The following FAM169A variants were observed in gnomAD, a reference collection of about 807,000 sequenced individuals.
The protein encoded by FAM169A is family with sequence similarity 169 member A.
Under a neutral mutation model 75.7 loss-of-function variants are expected in FAM169A, and 24 were observed. The ratio of observed to expected loss-of-function variants is 0.32; its 90% CI spans 0.23 to 0.45. FAM169A has a LOEUF of 0.45. Ranked by LOEUF, FAM169A falls within the 20% of genes least tolerant of loss-of-function variation. The pLI is 1.00. For missense variants in FAM169A, 673 were observed against 784.0 expected (o/e 0.86, Z 1.69); for synonymous variants, 271 against 271.0 (o/e 1.00, Z 0.00).
At chr5:74,800,058 G>T in intron 10 of FAM169A, 1 of 716,320 alleles carries the variant, frequency 1.4e-6, no homozygotes. Context: ...ATGACAATTT[G>T]GGATTTCAAG....
chr5:74,845,102 T>C (rs1209918174), intron 1 of FAM169A, among the ~76,000 whole-genome samples: 1 of 152,140 alleles, frequency 6.6e-6, no homozygotes, highest in Non-Finnish European at 1.5e-5. Flanking sequence ...AAAAAAGAGA[T>C]AGGATTGACA....
At chr5:74,783,478 C>A (rs1366487363) in intron 11 of FAM169A, among the ~76,000 whole-genome samples, 1 of 152,152 alleles carries the variant, frequency 6.6e-6, no homozygotes, top group Non-Finnish European at 1.5e-5. Flanking sequence ...AGGGAAAGAA[C>A]TTTTTCAGGA....
intron 1 of FAM169A, among the ~76,000 whole-genome samples, chr5:74,846,600 G>A (rs1043084690): frequency 6.6e-6 from 1 of 152,126 alleles, no homozygotes; most frequent in Admixed American, 6.5e-5. Context: ...TAAGCAATAG[G>A]TCATCTAAAT....
chr5:74,786,769 T>A (rs952510343), intron 11 of FAM169A, among the ~76,000 whole-genome samples: 1 of 152,146 alleles, frequency 6.6e-6, no homozygotes, highest in Non-Finnish European at 1.5e-5. Flanking sequence ...AGACACAACC[T>A]CTTATCATGT....
chr5:74,801,942 T>G (rs1030515342), intron 8 of FAM169A, among the ~76,000 whole-genome samples: 5 of 152,196 alleles, frequency 3.3e-5, no homozygotes, highest in Non-Finnish European at 5.9e-5. Flanking sequence ...ATTGATGAAT[T>G]CAAATATGAG....
intron 11 of FAM169A, among the ~76,000 whole-genome samples, chr5:74,791,802 G>C (rs375209752): frequency 6.6e-6 from 1 of 152,220 alleles, no homozygotes; most frequent in Non-Finnish European, 1.5e-5. Context: ...GACCCACTAA[G>C]GTGCTTGCTG....
intron 1 of FAM169A, among the ~76,000 whole-genome samples, chr5:74,847,947 G>A (rs1262225312): frequency 2.6e-5 from 4 of 151,948 alleles, no homozygotes; most frequent in Non-Finnish European, 4.4e-5. Context: ...AGAGCACCAG[G>A]GGAGAAACCC....
Position 74,838,973 on chromosome 5 carries a change from G to A in FAM169A, c.310C>T (p.Leu104Phe), listed in dbSNP as rs1200693408. The stretch of plus-strand genomic sequence containing the variant: ...TTAGAGGATCTTGTTACCTGCTTAA[G>A]CCCCTCTCTTGAAGGAACAGATGTT... ...VKTSVPSREGLKQVSTLGERV... is the reference protein window; with the variant it reads ...VKTSVPSREGFKQVSTLGERV... Residue 104 changes from leucine (L) to phenylalanine (F), a missense_variant, in exon 4 of 13, where the codon CTT becomes TTT. This residue lies in a region of FAM169A where 107 missense variants were observed against 180.8 expected (regional missense o/e 0.59). Transcript: ENST00000687041. The A allele has an allele frequency of 6.2e-7, 1 of 1,611,566 alleles. No homozygotes were observed. Among genetic ancestry groups the A allele is most frequent in the East Asian group, 2.2e-5 (1 of 44,860 alleles).
At chr5:74,855,299 G>C (rs1158608105) in intron 1 of FAM169A, among the ~76,000 whole-genome samples, 11 of 152,120 alleles carry the variant, frequency 7.2e-5, no homozygotes. Flanking sequence ...AGGCTCAAGA[G>C]ATCCTCCCAC....
intron 6 of FAM169A, among the ~76,000 whole-genome samples, chr5:74,807,971 A>C (rs1463338083): frequency 6.6e-6 from 1 of 152,168 alleles, no homozygotes; most frequent in East Asian, 1.9e-4. Context: ...ACAGAAAATT[A>C]GCCGGCCATG....
chr5:74,828,946 C>T (rs184844344), intron 5 of FAM169A, among the ~76,000 whole-genome samples: 177 of 152,226 alleles, frequency 1.2e-3, no homozygotes, highest in African/African-American at 3.8e-3. Context: ...CCTCAACATG[C>T]CATCCAAATT....
intron 5 of FAM169A, among the ~76,000 whole-genome samples, chr5:74,818,770 G>GCGCT (rs1554049613): frequency 7.4e-6 from 1 of 134,268 alleles, no homozygotes; most frequent in Non-Finnish European, 1.6e-5. Context: ...CGGTTTCACA[G>GCGCT]CTCTCTCTCT....
chr5:74,802,424 C>T (rs2112534006), intron 8 of FAM169A, among the ~76,000 whole-genome samples: 3 of 152,114 alleles, frequency 2.0e-5, no homozygotes, highest in Middle Eastern at 6.8e-3. Flanking sequence ...TGGCCAACCA[C>T]TGCTTAGAAT....
chr5:74,797,397 C>G (rs1746334788), intron 10 of FAM169A, among the ~76,000 whole-genome samples: 2 of 152,076 alleles, frequency 1.3e-5, no homozygotes, highest in South Asian at 4.2e-4. Context: ...GGCTGGTTTC[C>G]AACTCCTGAC....
At chr5:74,784,406 A>C (rs1745564686) in intron 11 of FAM169A, among the ~76,000 whole-genome samples, 1 of 149,998 alleles carries the variant, frequency 6.7e-6, no homozygotes, top group Non-Finnish European at 1.5e-5. Flanking sequence ...GCTACTTGGG[A>C]GGCTGAGGCA....
At chr5:74,795,661 T>C (rs537144531) in intron 11 of FAM169A, among the ~76,000 whole-genome samples, 1 of 152,366 alleles carries the variant, frequency 6.6e-6, no homozygotes, top group East Asian at 1.9e-4. Flanking sequence ...TGAAGGTTTA[T>C]TGCACCTGAA....
At chr5:74,859,558 G>T (rs905575175) in intron 1 of FAM169A, among the ~76,000 whole-genome samples, 1 of 152,092 alleles carries the variant, frequency 6.6e-6, no homozygotes, top group Non-Finnish European at 1.5e-5. Context: ...ATAGTGCTGG[G>T]ATTACAGGCG....
At position 74,800,942 on chromosome 5, in the gene FAM169A, A is replaced by G. The variant is rs1226921424; in HGVS notation, c.1041T>C (p.Phe347=). ...TTTCATCTTCACCTTGAGAACTGCT[A>G]AATTCAGAATCCTGAAACCGCTTTC... is the stretch of plus-strand genomic sequence containing the variant. ...KIGKRFQDSE[F]SSSQGEDEKT... is the part of the protein sequence containing the mutation. Residue 347 remains phenylalanine (F), a synonymous_variant, in exon 10 of 13, where the codon TTT becomes TTC. Coordinates refer to ENST00000687041, the MANE Select transcript of FAM169A (RefSeq NM_001376049.1). The G allele has an allele frequency of 6.4e-7, 1 of 1,565,186 alleles. No homozygotes were observed. The highest frequency in any genetic ancestry group is 8.7e-7 in the Non-Finnish European group (1 of 1,155,102).
chr5:74,796,332 T>A (rs1580088422), intron 10 of FAM169A, 146 bp from the exon 11 acceptor site: 3 of 647,220 alleles, frequency 4.6e-6, no homozygotes, highest in Non-Finnish European at 7.7e-6. Context: ...AATCTCTTCA[T>A]CCTCTTATAA....
Sources: allele counts gnomAD v4.1 joint callset (sites outside exome capture counted in the v4.1 genomes callset), GRCh38; gene constraint gnomAD v4.1.1; regional missense constraint gnomAD v4.1.1; transcripts MANE v1.5; gene names NCBI Gene and HGNC (gene_info 2026-07-23, HGNC 2026-07-21).